PPP2R5C: variants seen among roughly 807,000 people sequenced by gnomAD.
PPP2R5C encodes serine/threonine-protein phosphatase 2A 56 kDa regulatory subunit gamma isoform.
In PPP2R5C, 7 loss-of-function variants were observed where a neutral mutation model predicts 68.9. The ratio of observed to expected loss-of-function variants is 0.10; its 90% CI spans 0.06 to 0.19. The LOEUF (loss-of-function observed/expected upper bound fraction) is 0.19, where lower values mean the gene tolerates loss of function less well. PPP2R5C is among the 10% of genes least tolerant of loss of function. PPP2R5C has a pLI of 1.00. For missense variants in PPP2R5C, 348 were observed against 641.3 expected (o/e 0.54, Z 4.94); for synonymous variants, 210 against 222.2 (o/e 0.95, Z 0.49).
At chr14:101,789,117 G>A (rs971039897) in intron 3 of PPP2R5C, among the ~76,000 whole-genome samples, 1 of 152,080 alleles carries the variant, frequency 6.6e-6, no homozygotes, top group Admixed American at 6.6e-5. Context: ...TTCCACTACA[G>A]TCTGCATATA....
chr14:101,895,497 G>C (rs190779265), intron 8 of PPP2R5C, among the ~76,000 whole-genome samples: 1 of 152,104 alleles, frequency 6.6e-6, no homozygotes, highest in Non-Finnish European at 1.5e-5. Context: ...TCTGGCCCCT[G>C]CTGACCTGTA....
Position 101,925,086 on chromosome 14 carries a change from C to T in PPP2R5C, c.1444-55C>T. 3.8e-6 allele frequency: 6 copies of T among 1,596,140 alleles called. 1 individual carries two copies. Among genetic ancestry groups the T allele is most frequent in the Middle Eastern group, 1.7e-4 (1 of 6,024 alleles). ...CTTTGACTTCCACCTCAGAAGTAAG[C>T]TTGCTTTTCAGATAGCTTAGTTTGT... On this transcript the variant is annotated intron_variant, in intron 13 of 13. Transcript: ENST00000334743.
At chr14:101,810,726 A>G (rs1264376578) in intron 1 of PPP2R5C, among the ~76,000 whole-genome samples, 2 of 152,202 alleles carry the variant, frequency 1.3e-5, no homozygotes, top group East Asian at 1.9e-4. Flanking sequence ...TTTTCAAGGT[A>G]TATAGAGATC....
At chr14:101,897,042 ACAGAGCCACGAGCTGGGCCCGC>A (rs2045377832) in intron 8 of PPP2R5C, among the ~76,000 whole-genome samples, 1 of 152,166 alleles carries the variant, frequency 6.6e-6, no homozygotes, top group Non-Finnish European at 1.5e-5. Context: ...AGCAGGTGCT[ACAGAGCCACGAGCTGGGCCCGC>A]CCTGTCCTGC....
At chr14:101,810,118 A>C in intron 1 of PPP2R5C, 1 of 1,310,694 alleles carries the variant, frequency 7.6e-7, no homozygotes, top group Non-Finnish European at 1.1e-6. Context: ...TAAGAAAAGC[A>C]GGAAGTCCTT....
chr14:101,809,818 G>T (rs976547591), upstream of PPP2R5C: 1 of 1,408,072 alleles, frequency 7.1e-7, no homozygotes, highest in Non-Finnish European at 9.3e-7. Context: ...CATGCCTGCT[G>T]ACATCACGAA....
At chr14:101,798,463 A>T (rs2038717067) in intron 3 of PPP2R5C, among the ~76,000 whole-genome samples, 1 of 152,230 alleles carries the variant, frequency 6.6e-6, no homozygotes, top group Non-Finnish European at 1.5e-5. Context: ...GGGATCAAAG[A>T]ATAAAGAATA....
chr14:101,884,645 C>A (rs2140911219), intron 5 of PPP2R5C, among the ~76,000 whole-genome samples: 1 of 152,360 alleles, frequency 6.6e-6, no homozygotes, highest in South Asian at 2.1e-4. Context: ...CCAGGCCCGC[C>A]CCTCCCCAGC....
chr14:101,857,882 ACTTCTTGAC>A (rs2042517856), intron 2 of PPP2R5C, among the ~76,000 whole-genome samples: 1 of 152,102 alleles, frequency 6.6e-6, no homozygotes, highest in Non-Finnish European at 1.5e-5. Context: ...AATTGACTGG[ACTTCTTGAC>A]CTAAAATACT....
intron 11 of PPP2R5C, 62 bp from the exon 14 acceptor site, chr14:101,912,339 C>G (rs1012458449): frequency 1.1e-5 from 15 of 1,420,980 alleles, no homozygotes; most frequent in Non-Finnish European, 1.3e-5. Context: ...TGCCTTTTCC[C>G]CTTCAGTGTG....
chr14:101,920,601 C>T (rs780874546), intron 13 of PPP2R5C, among the ~76,000 whole-genome samples: 3 of 152,202 alleles, frequency 2.0e-5, no homozygotes, highest in East Asian at 3.8e-4. Context: ...CCCAGATTAA[C>T]GTGCTCTCCA....
At chr14:101,924,946 A>G (rs1177287631) in intron 13 of PPP2R5C, among the ~76,000 whole-genome samples, 195 bp from the exon 16 acceptor site, 1 of 152,210 alleles carries the variant, frequency 6.6e-6, no homozygotes, top group Non-Finnish European at 1.5e-5. Context: ...CAAACGAGTC[A>G]CGATTTTTAG....
At chr14:101,858,168 C>A (rs1358688391) in intron 2 of PPP2R5C, among the ~76,000 whole-genome samples, 1 of 152,086 alleles carries the variant, frequency 6.6e-6, no homozygotes, top group Non-Finnish European at 1.5e-5. Context: ...TAAAACCTTA[C>A]CTGTTCAGAC....
intron 8 of PPP2R5C, among the ~76,000 whole-genome samples, chr14:101,901,445 A>T (rs2045686292): frequency 6.6e-6 from 1 of 152,220 alleles, no homozygotes; most frequent in African/African-American, 2.4e-5. Flanking sequence ...GGATCACTTG[A>T]GCCAAGGAGT....
At chr14:101,856,934 A>T in intron 2 of PPP2R5C, 49 bp downstream of exon 4, 1 of 1,549,426 alleles carries the variant, frequency 6.5e-7, no homozygotes, top group Non-Finnish European at 8.9e-7. Flanking sequence ...ATTTATAAAC[A>T]GGACAGGCCA....
intron 2 of PPP2R5C, among the ~76,000 whole-genome samples, chr14:101,770,021 T>G (rs1355095481): frequency 2.0e-5 from 3 of 152,158 alleles, no homozygotes; most frequent in Non-Finnish European, 4.4e-5. Flanking sequence ...CTGAACCCTG[T>G]AGGCACCTGT....
At chr14:101,842,659 C>T (rs577791764) in intron 1 of PPP2R5C, among the ~76,000 whole-genome samples, 1 of 152,250 alleles carries the variant, frequency 6.6e-6, no homozygotes, top group African/African-American at 2.4e-5. Context: ...TGTGGTCAGT[C>T]CCCTGAGAGC....
chr14:101,922,527 T>C (rs2047068561), intron 13 of PPP2R5C, among the ~76,000 whole-genome samples: 1 of 149,920 alleles, frequency 6.7e-6, no homozygotes, highest in Non-Finnish European at 1.5e-5. Flanking sequence ...AGAAAGAAAT[T>C]TGGTGGCTGG....
intron 1 of PPP2R5C, among the ~76,000 whole-genome samples, chr14:101,842,834 G>A (rs994919886): frequency 4.2e-5 from 6 of 142,812 alleles, no homozygotes; most frequent in African/African-American, 1.1e-4. Flanking sequence ...CACCATTTCC[G>A]TGTCTGATCA....
Sources: allele counts gnomAD v4.1 joint callset (sites outside exome capture counted in the v4.1 genomes callset), GRCh38; gene constraint gnomAD v4.1.1; transcripts MANE v1.5; gene names NCBI Gene and HGNC (gene_info 2026-07-23, HGNC 2026-07-21).